The following CFAP44 variants were observed in gnomAD, a reference collection of about 807,000 sequenced individuals.
The protein encoded by CFAP44 is cilia and flagella associated protein 44.
A neutral mutation model predicts 216.2 loss-of-function variants in CFAP44; 134 were observed. The ratio of observed to expected loss-of-function variants is 0.62; its 90% confidence interval spans 0.54 to 0.72. The LOEUF (loss-of-function observed/expected upper bound fraction) is 0.72, where lower values mean the gene tolerates loss of function less well. CFAP44 is among the 30% of genes least tolerant of loss of function. The pLI, the probability that CFAP44 is intolerant of heterozygous loss-of-function variation, is 0.00. For missense variants in CFAP44, 2,035 were observed against 2,182.1 expected (o/e 0.93, Z 1.34); for synonymous variants, 700 against 727.6 (o/e 0.96, Z 0.61).
rs1254145889 is a variant in CFAP44, at chr3:113,287,170, G to A, written c.*4387C>T. 1 of 417,048 alleles carries A rather than the reference G, an allele frequency of 2.4e-6. No individual in the cohort carries two copies. The highest frequency in any genetic ancestry group is 4.6e-6 in the Non-Finnish European group (1 of 217,140). 25.8% of individuals were successfully genotyped at this position (417,048 alleles called of 1,614,324 possible). On this transcript the variant is annotated 3_prime_UTR_variant, in exon 35 of 35. Coordinates refer to ENST00000393845, the MANE Select transcript of CFAP44 (RefSeq NM_001164496.2). Reference sequence around the variant, plus strand: ...TGCAGTGGCAGGCGAGGCTGCAGGAGGCCCACAGATAAGCTGGCAAGAGGA... The same window carrying A: ...TGCAGTGGCAGGCGAGGCTGCAGGAAGCCCACAGATAAGCTGGCAAGAGGA...
Position 113,363,166 on chromosome 3 carries a change from C to A in CFAP44, c.2913G>T (p.Lys971Asn). The A allele has an allele frequency of 6.2e-7, 1 of 1,608,734 alleles. No individual in the cohort carries two copies. The highest frequency in any genetic ancestry group is 8.5e-7 in the Non-Finnish European group (1 of 1,178,400). The part of the protein sequence containing the change: ...NLLEMNEKLP[K>N]HMQFKRTDFD... ...TTACTGTTCGTTTAAACTGCATATG[C>A]TTTGGTAATTTTTCATTCATTTCTA... The change falls in exon 21 of 35, where the codon AAG becomes AAT. Residue 971 changes from lysine to asparagine, a missense_variant. Coordinates refer to ENST00000393845, the MANE Select transcript of CFAP44 (RefSeq NM_001164496.2).
chr3:113,427,212 C>T lies in CFAP44; in HGVS notation c.228G>A (p.Gln76=), dbSNP rs1934986083. 3 of 1,613,186 alleles carry T rather than the reference C, an allele frequency of 1.9e-6. No homozygotes were observed. Among genetic ancestry groups the T allele is most frequent in the Non-Finnish European group, 2.5e-6 (3 of 1,179,774 alleles). ...CTGTAGTGCTTTGCAAATCACCATA[C>T]TGAAATGAACTCAAACTTCCTTCCA... ...ERLEGSLSSF[Q]YGDLQSTTVP... The change falls in exon 3 of 35, where the codon CAG becomes CAA. Residue 76 remains glutamine, a synonymous_variant. Transcript: ENST00000393845.
chr3:113,314,691 A>C (rs1475659744), intron 28 of CFAP44, among the ~76,000 whole-genome samples: 1 of 152,172 alleles, frequency 6.6e-6, no homozygotes, highest in Non-Finnish European at 1.5e-5. Context: ...ATATAACATT[A>C]CTTAATGTGG....
intron 21 of CFAP44, among the ~76,000 whole-genome samples, chr3:113,361,790 G>A (rs986690042): frequency 6.6e-5 from 10 of 151,698 alleles, no homozygotes; most frequent in South Asian, 2.1e-4. Flanking sequence ...GAGCCACCGC[G>A]CCCAGCCTAA....
intron 2 of CFAP44, among the ~76,000 whole-genome samples, chr3:113,430,429 G>GAAAAAAAAAAAAAAAA (rs754983161): frequency 2.2e-4 from 16 of 74,132 alleles, no homozygotes; most frequent in East Asian, 1.4e-3. Flanking sequence ...AAAAATAAAT[G>GAAAAAAAAAAAAAAAA]AAAAAAAAAA....
chr3:113,369,764 C>T (rs1250000853), intron 18 of CFAP44, among the ~76,000 whole-genome samples: 8 of 150,346 alleles, frequency 5.3e-5, no homozygotes, highest in Non-Finnish European at 8.9e-5. Flanking sequence ...CAAAAAAACC[C>T]TTCAAAAAAT....
At chr3:113,424,349 T>C (rs905106339) in intron 4 of CFAP44, among the ~76,000 whole-genome samples, 2 of 152,092 alleles carry the variant, frequency 1.3e-5, no homozygotes, top group Non-Finnish European at 2.9e-5. Context: ...GGCAGGAGAA[T>C]TGCTTGAACC....
chr3:113,356,555 C>T (rs1196895418), intron 22 of CFAP44, among the ~76,000 whole-genome samples: 1 of 152,066 alleles, frequency 6.6e-6, no homozygotes, highest in Non-Finnish European at 1.5e-5. Flanking sequence ...TGTACAGTTA[C>T]CTGACTTATG....
intron 34 of CFAP44, among the ~76,000 whole-genome samples, chr3:113,292,106 A>T (rs1380174907): frequency 6.6e-6 from 1 of 152,160 alleles, no homozygotes; most frequent in Non-Finnish European, 1.5e-5. Context: ...CTGTTTCCTC[A>T]TCGGAGTTAT....
At chr3:113,415,149 T>C (rs1038981690) in intron 6 of CFAP44, among the ~76,000 whole-genome samples, 1 of 152,208 alleles carries the variant, frequency 6.6e-6, no homozygotes, top group South Asian at 2.1e-4. Context: ...TTTATTTGCA[T>C]AGAGGTATCT....
rs1429833454 is a variant in CFAP44 at position 113,333,338 on chromosome 3, G to A, written c.3615+68C>T. ...TATTGACCAGATAGGGAAATGAGTG[G>A]TTTTAGCAGAATTTAATTAAGAACC... On this transcript the variant is annotated intron_variant, in intron 25 of 34. Coordinates refer to ENST00000393845, the MANE Select transcript of CFAP44 (RefSeq NM_001164496.2). The A allele has an allele frequency of 3.6e-6, 5 of 1,381,986 alleles. No individual in the cohort carries two copies. In the East Asian group the frequency reaches 1.3e-4, roughly 35 times the overall value. 85.6% of individuals were successfully genotyped at this position (1,381,986 alleles called of 1,614,324 possible).
Position 113,343,059 on chromosome 3 carries a change from C to CTT in CFAP44, c.3263-1143_3263-1142dup, listed in dbSNP as rs397990837. Among the ~76,000 whole-genome samples, 125 of 106,742 alleles carry CTT rather than the reference C, an allele frequency of 1.2e-3. 1 individual carries two copies. Among genetic ancestry groups the CTT allele is most frequent in the Middle Eastern group, 5.4e-3 (1 of 184 alleles). 70.0% of individuals were successfully genotyped at this position (106,742 alleles called of 152,430 possible). The stretch of plus-strand genomic sequence containing the variant: ...ACAAGTTTCTTTTCTTTCTTTCTTT[C>CTT]TTTTTTTTTTTTTTTTTTTTGAGAC... On this transcript the variant is annotated intron_variant, in intron 23 of 34. Coordinates refer to ENST00000393845, the MANE Select transcript of CFAP44 (RefSeq NM_001164496.2).
In CFAP44 at chr3:113,330,426, A is replaced by C; in HGVS notation, c.3858T>G (p.Ser1286Arg). Residue 1286 changes from serine to arginine, a missense_variant, in exon 26 of 35, where the codon AGT (serine) becomes AGG (arginine). Transcript: ENST00000393845. ...CCACTCCGGGGGACTTTTCATCTTT[A>C]CTTTTCATTTGCTGTTGCTTAAAAT... ...LLNFKQQQMK[S>R]KDEKSPGVEQ... is the part of the protein sequence containing the mutation. 1 of 1,537,256 alleles carries C rather than the reference A, an allele frequency of 6.5e-7. No homozygotes were observed. Among genetic ancestry groups the C allele is most frequent in the East Asian group, 2.4e-5 (1 of 40,916 alleles).
chr3:113,420,286 G>A lies in CFAP44; in HGVS notation c.408-107C>T, dbSNP rs886978088. On this transcript the variant is annotated intron_variant, in intron 4 of 34. Transcript: ENST00000393845. ...TCTATACTCTTAGATGAAGATGTGA[G>A]GTTGAAGTAGTTGAATTTTACCCTG... The A allele has an allele frequency of 3.5e-6, 4 of 1,146,338 alleles. No individual in the cohort carries two copies. In the African/African-American group the frequency reaches 6.4e-5, roughly 18 times the overall value. 71.0% of individuals were successfully genotyped at this position (1,146,338 alleles called of 1,614,324 possible).
chr3:113,423,852 G>A (rs1483976035), intron 4 of CFAP44, among the ~76,000 whole-genome samples: 1 of 152,198 alleles, frequency 6.6e-6, no homozygotes, highest in Non-Finnish European at 1.5e-5. Context: ...CGTGCAGGAA[G>A]ATTTATGGAC....
chr3:113,331,873 T>C (rs980448490), intron 25 of CFAP44, among the ~76,000 whole-genome samples: 3 of 152,250 alleles, frequency 2.0e-5, no homozygotes, highest in South Asian at 2.1e-4. Flanking sequence ...AGACCATTTA[T>C]GGATTTTGAC....
intron 28 of CFAP44, among the ~76,000 whole-genome samples, chr3:113,308,581 T>C (rs1950008480): frequency 6.6e-6 from 1 of 152,018 alleles, no homozygotes; most frequent in Non-Finnish European, 1.5e-5. Flanking sequence ...CAAAAATTTT[T>C]TTTTCTTTTT....
chr3:113,345,334 T>A (rs925062588), intron 22 of CFAP44, among the ~76,000 whole-genome samples: 1 of 152,036 alleles, frequency 6.6e-6, no homozygotes, highest in African/African-American at 2.4e-5. Flanking sequence ...TGTTCATTCT[T>A]CACCTCACAA....
chr3:113,311,502 TCACCTCC>T (rs1950037885), intron 28 of CFAP44, among the ~76,000 whole-genome samples: 1 of 152,220 alleles, frequency 6.6e-6, no homozygotes, highest in African/African-American at 2.4e-5. Flanking sequence ...GAAGTGCCTT[TCACCTCC>T]TGCCATGTTT....
Sources: gnomAD v4.1 joint callset for allele counts (sites outside exome capture counted in the v4.1 genomes callset) on GRCh38, gnomAD v4.1.1 for gene constraint, MANE v1.5 for transcripts, NCBI Gene and HGNC (gene_info 2026-07-23, HGNC 2026-07-21) for gene names.